TPM1: variants seen among roughly 807,000 people sequenced by gnomAD.
The protein encoded by TPM1 is tropomyosin alpha-1 chain.
TPM1 carries 24 observed loss-of-function variants against 42.9 expected under a neutral mutation model. That is an observed-to-expected ratio of 0.56 (90% confidence interval 0.41 to 0.79). The LOEUF is 0.79. Ranked by LOEUF, TPM1 falls within the 30% of genes least tolerant of loss-of-function variation. TPM1 has a pLI of 0.00. For missense variants in TPM1, 158 were observed against 351.8 expected (o/e 0.45, Z 4.41); for synonymous variants, 136 against 130.1 (o/e 1.05, Z -0.31).
chr15:63,062,805 C>CA, intron 8 of TPM1, 160 bp downstream of exon 8: 1 of 1,541,956 alleles, frequency 6.5e-7, no homozygotes, highest in African/African-American at 1.4e-5. Flanking sequence ...CTCTTGAACT[C>CA]ATGAACCTAA....
intron 7 of TPM1, 142 bp from the exon 8 acceptor site, chr15:63,062,434 C>A: frequency 8.0e-7 from 1 of 1,256,328 alleles, no homozygotes; most frequent in Non-Finnish European, 1.2e-6. Flanking sequence ...TGCCATTTCT[C>A]ACAGAGGTGA....
chr15:63,048,575 G>C, intron 2 of TPM1: 3 of 1,526,482 alleles, frequency 2.0e-6, no homozygotes, highest in Non-Finnish European at 2.6e-6. Flanking sequence ...CGTCCGGCGC[G>C]ATGGCGGGGA....
chr15:63,061,460 G>A (rs2035615349), intron 5 of TPM1: 2 of 760,374 alleles, frequency 2.6e-6, no homozygotes, highest in African/African-American at 1.7e-5. Context: ...ATGCTCTTTG[G>A]GCAGCCAAAA....
intron 5 of TPM1, 195 bp from the exon 6 acceptor site, chr15:63,061,518 G>A (rs2035622952): frequency 8.3e-6 from 6 of 724,708 alleles, no homozygotes; most frequent in Non-Finnish European, 1.2e-5. Flanking sequence ...TGGTCACCCT[G>A]CCTTCTGCTG....
downstream of TPM1, chr15:63,069,934 TG>T (rs762701496): frequency 1.9e-6 from 3 of 1,614,010 alleles, no homozygotes; most frequent in South Asian, 2.2e-5. Context: ...TGGCCCTGAA[TG>T]AGGATTAAAC....
chr15:63,045,139 A>T (rs2032108101), intron 2 of TPM1: 1 of 152,166 alleles, frequency 6.6e-6, no homozygotes, highest in African/African-American at 2.4e-5. Context: ...AAGCTATGCC[A>T]GCAGTTGAAA....
chr15:63,044,160 C>T lies in TPM1; in HGVS notation c.240+8C>T, dbSNP rs1205251150. The T allele has an allele frequency of 1.1e-5, 18 of 1,614,080 alleles. No homozygotes were observed. The highest frequency in any genetic ancestry group is 1.4e-5 in the Non-Finnish European group (17 of 1,180,038). On this transcript the variant is annotated splice_region_variant and intron_variant, in intron 2 of 9. Coordinates refer to ENST00000403994, the MANE Select transcript of TPM1 (RefSeq NM_001018005.2). ...GAGAAAAAGGCCACCGATGTAAGTGCACGCTCACACTGCTTCCCTCACCTC... is the reference window on the plus strand; with the variant it reads ...GAGAAAAAGGCCACCGATGTAAGTGTACGCTCACACTGCTTCCCTCACCTC...
intron 1 of TPM1, chr15:63,043,649 G>A (rs1596300886): frequency 6.5e-7 from 1 of 1,535,696 alleles, no homozygotes; most frequent in African/African-American, 1.4e-5. Flanking sequence ...CGTGTGTTGT[G>A]TGTGTCTAAC....
chr15:63,046,421 T>C (rs2140668495), intron 2 of TPM1: 1 of 152,358 alleles, frequency 6.6e-6, no homozygotes, highest in East Asian at 1.9e-4. Flanking sequence ...TCGTATTACC[T>C]TTGGGATTAG....
exon 9 of TPM1, chr15:63,071,385 G>A: frequency 3.8e-6 from 2 of 520,002 alleles, no homozygotes; most frequent in Non-Finnish European, 3.5e-6. Context: ...CCGGGTTGAT[G>A]CTGCCACACT....
intron 3 of TPM1, among the ~76,000 whole-genome samples, chr15:63,059,092 T>A (rs1460685272): frequency 6.6e-6 from 1 of 152,250 alleles, no homozygotes; most frequent in African/African-American, 2.4e-5. Context: ...TCTAATATTT[T>A]TGTTTATGGG....
At chr15:63,047,065 G>A (rs2140680294) in intron 2 of TPM1, 1 of 152,442 alleles carries the variant, frequency 6.6e-6, no homozygotes, top group South Asian at 2.1e-4. Flanking sequence ...GAGGTTGCCA[G>A]ACACCCGGTT....
At chr15:63,061,136 C>T (rs1483355723) in intron 5 of TPM1, 197 bp downstream of exon 5, 85 of 1,560,314 alleles carry the variant, frequency 5.4e-5, no homozygotes, top group Admixed American at 1.3e-4. Flanking sequence ...TGTATCACTG[C>T]ATGCCTTACC....
chr15:63,060,821 C>A, intron 4 of TPM1, 48 bp from the exon 5 acceptor site: 1 of 1,610,398 alleles, frequency 6.2e-7, no homozygotes, highest in Non-Finnish European at 8.5e-7. Flanking sequence ...TTCTGTTACA[C>A]AAAGCTTGCA....
chr15:63,058,401 C>T (rs892556447), intron 3 of TPM1, among the ~76,000 whole-genome samples: 13 of 152,190 alleles, frequency 8.5e-5, no homozygotes, highest in African/African-American at 2.9e-4. Flanking sequence ...CAACTGTATT[C>T]CAATGCTTCA....
At chr15:63,051,782 C>T (rs933871699) in intron 2 of TPM1, among the ~76,000 whole-genome samples, 2 of 152,058 alleles carry the variant, frequency 1.3e-5, no homozygotes, top group African/African-American at 4.8e-5. Flanking sequence ...TCTTAATAAC[C>T]TTAACTGGAA....
At chr15:63,048,614 G>A in intron 2 of TPM1, 1 of 1,535,164 alleles carries the variant, frequency 6.5e-7, no homozygotes, top group African/African-American at 1.4e-5. Flanking sequence ...TGCGCAGGAA[G>A]ATCCGGAGCC....
At chr15:63,069,639 C>T (rs2036493599), downstream of TPM1, among the ~76,000 whole-genome samples, 1 of 152,182 alleles carries the variant, frequency 6.6e-6, no homozygotes, top group Admixed American at 6.5e-5. Context: ...CCCTCCTTTC[C>T]TCACCAAGAG....
At chr15:63,064,303 A>G (rs1251901609) in intron 9 of TPM1, 161 bp downstream of exon 9, 1 of 1,518,888 alleles carries the variant, frequency 6.6e-7, no homozygotes, top group Non-Finnish European at 8.8e-7. Context: ...CTTTCTGCTA[A>G]TATAAAGGCC....
Sources: gnomAD v4.1 joint callset for allele counts (sites outside exome capture counted in the v4.1 genomes callset) on GRCh38, gnomAD v4.1.1 for gene constraint, MANE v1.5 for transcripts, NCBI Gene and HGNC (gene_info 2026-07-23, HGNC 2026-07-21) for gene names.